The following FAM149A variants were observed in gnomAD, a reference collection of about 807,000 sequenced individuals.
FAM149A encodes the protein family with sequence similarity 149 member A.
In FAM149A, 71 loss-of-function variants were observed where a neutral mutation model predicts 78.2. The ratio of observed to expected loss-of-function variants is 0.91; its 90% confidence interval spans 0.75 to 1.11. The LOEUF (loss-of-function observed/expected upper bound fraction) is 1.11. FAM149A is among the 50% of genes least tolerant of loss of function. The pLI is 0.00. For missense variants in FAM149A, 1,036 were observed against 971.0 expected (o/e 1.07, Z -0.89); for synonymous variants, 446 against 410.5 (o/e 1.09, Z -1.04).
intron 1 of FAM149A, among the ~76,000 whole-genome samples, chr4:186,122,288 A>G (rs1402532412): frequency 6.6e-6 from 1 of 152,224 alleles, no homozygotes; most frequent in Non-Finnish European, 1.5e-5. Context: ...AAAATAGACT[A>G]AAGACATGTA....
chr4:186,133,731 C>T (rs2099321727), intron 1 of FAM149A, among the ~76,000 whole-genome samples: 1 of 152,194 alleles, frequency 6.6e-6, no homozygotes, highest in Non-Finnish European at 1.5e-5. Context: ...TCATAGCTCA[C>T]TGCAACCCTG....
In FAM149A at chr4:186,126,831, C is replaced by G. The variant is rs960285817; in HGVS notation, c.566+21189C>G. On this transcript the variant is annotated intron_variant, in intron 1 of 13. Transcript: ENST00000389354. ...CTAATAAATCTCCTGGTGTATGTCT[C>G]TGTATCTTATTGGTTCTGTTTCTCT... The G allele has an allele frequency of 3.2e-6, 3 of 948,392 alleles. No homozygotes were observed. In the African/African-American group the frequency reaches 5.3e-5, roughly 17 times the overall value. The allele number at this position is 948,392 out of a possible 1,614,324, so 58.7% of individuals were successfully genotyped here.
chr4:186,122,691 A>G (rs2099316610), intron 1 of FAM149A: 1 of 196,302 alleles, frequency 5.1e-6, no homozygotes, highest in Admixed American at 6.5e-5. Context: ...AGTTGGAAAA[A>G]CTATTGTATA....
At chr4:186,136,936 ATCTCTCTCTCTCTC>A (rs142934788) in intron 1 of FAM149A, among the ~76,000 whole-genome samples, 5 of 88,100 alleles carry the variant, frequency 5.7e-5, no homozygotes, top group Admixed American at 3.5e-4. Context: ...ACACTGATTG[ATCTCTCTCTCTCTC>A]TCTCTCTCTC....
At chr4:186,136,238 A>T (rs867316588) in intron 1 of FAM149A, among the ~76,000 whole-genome samples, 1 of 152,334 alleles carries the variant, frequency 6.6e-6, no homozygotes. Flanking sequence ...AGTTATTTTT[A>T]TGTTGAAAGA....
chr4:186,169,879 A>G (rs762569456), intron 13 of FAM149A: 1 of 985,300 alleles, frequency 1.0e-6, no homozygotes, highest in Non-Finnish European at 1.2e-6. Flanking sequence ...AAGAGCTATT[A>G]GAAGAGAGAA....
intron 1 of FAM149A, among the ~76,000 whole-genome samples, chr4:186,120,848 CTTTTTT>C (rs374357159): frequency 8.9e-5 from 8 of 90,214 alleles, no homozygotes; most frequent in Admixed American, 2.0e-4. Flanking sequence ...AAATAATATT[CTTTTTT>C]TTTTTTTTTT....
chr4:186,113,812 A>C (rs1451310208), intron 1 of FAM149A, among the ~76,000 whole-genome samples: 3 of 150,482 alleles, frequency 2.0e-5, no homozygotes, highest in Non-Finnish European at 4.5e-5. Flanking sequence ...CTTTACTTCC[A>C]AGTATGTGGT....
chr4:186,117,318 TA>T, intron 1 of FAM149A: 1 of 470,682 alleles, frequency 2.1e-6, no homozygotes, highest in Non-Finnish European at 2.8e-6. Context: ...CTATTCCATC[TA>T]AGATCCACAT....
intron 1 of FAM149A, among the ~76,000 whole-genome samples, chr4:186,134,570 C>T (rs891509230): frequency 2.0e-5 from 3 of 152,166 alleles, no homozygotes; most frequent in African/African-American, 7.2e-5. Flanking sequence ...CAAATGTCTT[C>T]GTTAGTCAGA....
At chr4:186,123,349 T>A (rs897262023) in intron 1 of FAM149A, 1 of 984,932 alleles carries the variant, frequency 1.0e-6, no homozygotes, top group Non-Finnish European at 1.2e-6. Flanking sequence ...TGTACCTTTA[T>A]GAGATGGGTG....
chr4:186,112,242 A>C (rs1442803754), intron 1 of FAM149A, among the ~76,000 whole-genome samples: 37 of 150,734 alleles, frequency 2.5e-4, no homozygotes, highest in African/African-American at 8.2e-4. Flanking sequence ...TTGTACGTTG[A>C]TTTTGTATCC....
intron 1 of FAM149A, chr4:186,146,441 C>A (rs1733046314): frequency 1.0e-6 from 1 of 985,026 alleles, no homozygotes; most frequent in Non-Finnish European, 1.2e-6. Context: ...GAAGCCTGGT[C>A]CTGGAAAGGA....
intron 1 of FAM149A, among the ~76,000 whole-genome samples, chr4:186,129,010 T>C (rs897756469): frequency 6.6e-6 from 1 of 152,022 alleles, no homozygotes; most frequent in Non-Finnish European, 1.5e-5. Flanking sequence ...AGCCTGTATC[T>C]GTATGTGTGC....
At chr4:186,157,441 G>A (rs1297313854) in intron 7 of FAM149A, 124 bp from the exon 8 acceptor site, 1 of 937,800 alleles carries the variant, frequency 1.1e-6, no homozygotes, top group Non-Finnish European at 1.6e-6. Flanking sequence ...GGTAACATGT[G>A]GAGTGGCCGT....
intron 6 of FAM149A, 161 bp downstream of exon 6, chr4:186,154,799 T>C: frequency 1.0e-6 from 1 of 985,416 alleles, no homozygotes; most frequent in Non-Finnish European, 1.2e-6. Context: ...TTTGGATTCC[T>C]AGCCAGCGGT....
Position 186,137,669 on chromosome 4 carries a change from A to G in FAM149A, c.567-11504A>G, listed in dbSNP as rs561831733. Among the ~76,000 whole-genome samples the G allele has an allele frequency of 1.9e-4, 29 of 152,188 alleles. No individual in the cohort carries two copies. The East Asian group carries it at 5.4e-3, about 28-fold the overall frequency. The stretch of plus-strand genomic sequence containing the variant: ...GGCAATATTGCATGCCACCATTTCA[A>G]TATTACATGCAGCCTTTCAATCCCA... On this transcript the variant is annotated intron_variant, in intron 1 of 13. Transcript: ENST00000389354.
intron 7 of FAM149A, 69 bp downstream of exon 7, chr4:186,156,259 C>T: frequency 7.3e-7 from 1 of 1,377,016 alleles, no homozygotes; most frequent in Non-Finnish European, 1.0e-6. Flanking sequence ...GGCTCCTGCT[C>T]CCCAGCTTGG....
At chr4:186,127,987 CTTTT>C (rs61637634) in intron 1 of FAM149A, among the ~76,000 whole-genome samples, 17 of 62,390 alleles carry the variant, frequency 2.7e-4, no homozygotes, top group Non-Finnish European at 4.1e-4. Flanking sequence ...CATGCCCGGC[CTTTT>C]TTTTTTTTTT....
Sources: allele counts gnomAD v4.1 joint callset (sites outside exome capture counted in the v4.1 genomes callset), GRCh38; gene constraint gnomAD v4.1.1; transcripts MANE v1.5; gene names NCBI Gene and HGNC (gene_info 2026-07-23, HGNC 2026-07-21).